Variants in INVS observed in about 807,000 individuals in gnomAD.
The protein encoded by INVS is inversin.
In INVS, 86 loss-of-function variants were observed where a neutral mutation model predicts 108.8. The observed-to-expected ratio is 0.79, with a 90% CI of 0.66 to 0.95. The LOEUF is 0.95. Among genes scored for constraint, INVS ranks in the 40% least tolerant of loss-of-function variants. The pLI is 0.00. For synonymous variants in INVS, 455 were observed against 473.5 expected, an observed-to-expected ratio of 0.96 and a Z score of 0.51; for missense variants, 1,169 against 1,297.4, an observed-to-expected ratio of 0.90 and a Z score of 1.52.
intron 8 of INVS, among the ~76,000 whole-genome samples, chr9:100,251,774 G>T (rs1306780227): frequency 6.6e-6 from 1 of 152,136 alleles, no homozygotes; most frequent in African/African-American, 2.4e-5. Flanking sequence ...CAAGATGTGC[G>T]TGCTTTCAGT....
chr9:100,123,963 C>T (rs1827802310), intron 2 of INVS, among the ~76,000 whole-genome samples: 1 of 152,146 alleles, frequency 6.6e-6, no homozygotes, highest in Non-Finnish European at 1.5e-5. Flanking sequence ...GTGCCACCAC[C>T]ACACCCGGCT....
intron 5 of INVS, among the ~76,000 whole-genome samples, chr9:100,230,708 C>T (rs200708946): frequency 2.0e-5 from 3 of 151,788 alleles, no homozygotes; most frequent in African/African-American, 4.8e-5. Context: ...TAGTAGAGAC[C>T]GGGTTTCACC....
rs1564111633 is a variant in INVS, at chr9:100,100,768, A to ATG, written c.-25+1354_-25+1355dup. The stretch of plus-strand genomic sequence containing the variant: ...TATGTACATATAATATATATAATAT[A>ATG]TGTATATATAATATATATTATATAT... On this transcript the variant is annotated intron_variant, in intron 1 of 16. Transcript: ENST00000262457. Among the ~76,000 whole-genome samples, 3 of 32,414 alleles carry ATG rather than the reference A, an allele frequency of 9.3e-5. 1 individual carries two copies. Among genetic ancestry groups the ATG allele is most frequent in the African/African-American group, 2.1e-4 (2 of 9,502 alleles). 21.3% of individuals were successfully genotyped at this position (32,414 alleles called of 152,430 possible).
At chr9:100,241,935 G>C (rs1189771948) in intron 6 of INVS, among the ~76,000 whole-genome samples, 1 of 152,082 alleles carries the variant, frequency 6.6e-6, no homozygotes, top group East Asian at 1.9e-4. Flanking sequence ...ATTTTCTACA[G>C]CTCTTCACTT....
Position 100,301,906 on chromosome 9 carries a change from CAG to C in INVS, c.*1234_*1235del, listed in dbSNP as rs1833985361. On this transcript the variant is annotated 3_prime_UTR_variant, in exon 17 of 17. Coordinates refer to ENST00000262457, the MANE Select transcript of INVS (RefSeq NM_014425.5). ...ATTTAGCCAGTTTCTTGGTATATAACAGAAGGTACCACAGTATCACTCTCTAT... is the reference window on the plus strand; with the variant it reads ...ATTTAGCCAGTTTCTTGGTATATAACAAGGTACCACAGTATCACTCTCTAT... Among the ~76,000 whole-genome samples the C allele has an allele frequency of 6.6e-6, 1 of 152,136 alleles. No individual in the cohort carries two copies. The highest frequency in any genetic ancestry group is 2.4e-5 in the African/African-American group (1 of 41,424).
intron 8 of INVS, among the ~76,000 whole-genome samples, chr9:100,250,243 AC>A (rs1832185985): frequency 6.6e-6 from 1 of 152,234 alleles, no homozygotes; most frequent in Non-Finnish European, 1.5e-5. Flanking sequence ...TCAAAAGTAG[AC>A]AGTTGTCCAG....
At chr9:100,143,837 T>TG (rs1313926161) in intron 3 of INVS, among the ~76,000 whole-genome samples, 1 of 151,156 alleles carries the variant, frequency 6.6e-6, no homozygotes, top group Non-Finnish European at 1.5e-5. Context: ...TAATGTGGAG[T>TG]GGGTAGCTTC....
At chr9:100,202,950 A>G (rs938115799) in intron 3 of INVS, among the ~76,000 whole-genome samples, 2 of 152,206 alleles carry the variant, frequency 1.3e-5, no homozygotes, top group African/African-American at 4.8e-5. Context: ...TTGGCAGAAA[A>G]GAGTTAAGGA....
chr9:100,184,651 T>C (rs901480654), intron 3 of INVS, among the ~76,000 whole-genome samples: 2 of 152,158 alleles, frequency 1.3e-5, no homozygotes, highest in Non-Finnish European at 2.9e-5. Flanking sequence ...GGCCTTTTGC[T>C]ACATTGGGAA....
chr9:100,175,489 A>G (rs1057096078), intron 3 of INVS: 2 of 789,984 alleles, frequency 2.5e-6, no homozygotes, highest in African/African-American at 3.4e-5. Context: ...TTTCAGAGAC[A>G]GAAATACCTC....
At chr9:100,283,647 C>T (rs1455688700) in intron 12 of INVS, among the ~76,000 whole-genome samples, 1 of 152,174 alleles carries the variant, frequency 6.6e-6, no homozygotes, top group Non-Finnish European at 1.5e-5. Flanking sequence ...GGCCCCTGCT[C>T]CCCAGCCCTT....
intron 5 of INVS, among the ~76,000 whole-genome samples, chr9:100,234,704 A>G (rs973163018): frequency 6.6e-6 from 1 of 152,070 alleles, no homozygotes; most frequent in Non-Finnish European, 1.5e-5. Context: ...CTGAGTTCTA[A>G]TTTGATTGCA....
intron 2 of INVS, among the ~76,000 whole-genome samples, chr9:100,118,085 A>G (rs1483526504): frequency 1.7e-5 from 2 of 120,840 alleles, no homozygotes; most frequent in African/African-American, 3.2e-5. Context: ...TTTTTTTTTT[A>G]GATATGGGGT....
Position 100,292,855 on chromosome 9 carries a change from C to T in INVS, c.2598C>T (p.Thr866=), listed in dbSNP as rs766480906. ...RSGARRLETS[T]LSEDFQVSKE... Reference sequence around the variant, plus strand: ...GAGCTAGGAGGCTGGAGACATCTACCCTGTCCGAGGACTTTCAGGTATCTA... The same window carrying T: ...GAGCTAGGAGGCTGGAGACATCTACTCTGTCCGAGGACTTTCAGGTATCTA... Residue 866 remains threonine, a synonymous_variant, in exon 14 of 17, where the codon ACC becomes ACT. Transcript: ENST00000262457. The T allele has an allele frequency of 1.2e-6, 2 of 1,614,156 alleles. No homozygotes were observed. The highest frequency in any genetic ancestry group is 1.7e-6 in the Non-Finnish European group (2 of 1,180,028).
chr9:100,295,597 G>A (rs1401098302), intron 14 of INVS, among the ~76,000 whole-genome samples: 2 of 152,164 alleles, frequency 1.3e-5, no homozygotes, highest in African/African-American at 4.8e-5. Flanking sequence ...GACAGGTGGA[G>A]GATGGAGAAA....
intron 12 of INVS, among the ~76,000 whole-genome samples, chr9:100,275,417 T>C (rs1286444392): frequency 6.6e-6 from 1 of 152,346 alleles, no homozygotes; most frequent in South Asian, 2.1e-4. Flanking sequence ...CAACTGACTT[T>C]GTATGTCCCC....
intron 11 of INVS, among the ~76,000 whole-genome samples, chr9:100,270,224 G>A (rs1041395098): frequency 3.3e-5 from 5 of 152,006 alleles, no homozygotes; most frequent in Non-Finnish European, 5.9e-5. Context: ...TATGAACAGT[G>A]GTTAATTCTC....
chr9:100,204,391 G>A (rs991220299), intron 3 of INVS, among the ~76,000 whole-genome samples: 1 of 152,172 alleles, frequency 6.6e-6, no homozygotes, highest in Non-Finnish European at 1.5e-5. Flanking sequence ...AACTAAAGAA[G>A]TTGAATAGTT....
chr9:100,134,941 TC>T (rs1448372559), intron 3 of INVS, among the ~76,000 whole-genome samples: 3 of 152,192 alleles, frequency 2.0e-5, no homozygotes, highest in African/African-American at 7.2e-5. Context: ...TATTTGCTGT[TC>T]ATATCAACCT....
Sources: allele counts gnomAD v4.1 joint callset (sites outside exome capture counted in the v4.1 genomes callset), GRCh38; gene constraint gnomAD v4.1.1; transcripts MANE v1.5; gene names NCBI Gene and HGNC (gene_info 2026-07-23, HGNC 2026-07-21).